SLC38A9: variants seen among roughly 807,000 people sequenced by gnomAD.
SLC38A9 encodes neutral amino acid transporter 9.
In SLC38A9, 48 loss-of-function variants were observed where a neutral mutation model predicts 62.3. The ratio of observed to expected loss-of-function variants is 0.77; its 90% CI spans 0.61 to 0.98. The LOEUF is 0.98. Among genes scored for constraint, SLC38A9 ranks in the 50% least tolerant of loss-of-function variants. SLC38A9 has a pLI of 0.00. For missense variants in SLC38A9, 541 were observed against 679.8 expected (o/e 0.80, Z 2.27); for synonymous variants, 204 against 227.7 (o/e 0.90, Z 0.94).
chr5:55,672,387 A>G, intron 4 of SLC38A9, among the ~76,000 whole-genome samples, 176 bp downstream of exon 4: 1 of 152,228 alleles, frequency 6.6e-6, no homozygotes, highest in East Asian at 1.9e-4. Flanking sequence ...AATTTAGATA[A>G]GAATGAACTG....
intron 12 of SLC38A9, among the ~76,000 whole-genome samples, chr5:55,641,004 T>G (rs1283716644): frequency 6.6e-6 from 1 of 151,598 alleles, no homozygotes; most frequent in Non-Finnish European, 1.5e-5. Context: ...GCCCAGCTAA[T>G]TTTTTTTGTA....
chr5:55,693,897 C>CA (rs1318729284), intron 3 of SLC38A9, among the ~76,000 whole-genome samples: 6 of 151,904 alleles, frequency 3.9e-5, no homozygotes, highest in Non-Finnish European at 8.8e-5. Flanking sequence ...GCAATCTCTG[C>CA]AAAAAATAAA....
chr5:55,709,337 T>C (rs1284108080), intron 2 of SLC38A9, among the ~76,000 whole-genome samples: 1 of 151,850 alleles, frequency 6.6e-6, no homozygotes, highest in Non-Finnish European at 1.5e-5. Flanking sequence ...AATTTAAGTA[T>C]GTTACAAAAT....
chr5:55,681,916 C>T (rs2408201), intron 3 of SLC38A9, among the ~76,000 whole-genome samples: 90,735 of 151,552 alleles, frequency 0.6, 27,706 homozygotes, highest in South Asian at 0.7. Context: ...TATGGCTACT[C>T]CCACTCCACA....
chr5:55,671,864 G>A (rs1160395716), intron 4 of SLC38A9, among the ~76,000 whole-genome samples: 1 of 151,968 alleles, frequency 6.6e-6, no homozygotes, highest in Non-Finnish European at 1.5e-5. Context: ...AAAGAGATGG[G>A]TCACACTCTT....
chr5:55,699,503 A>C (rs535935698), intron 2 of SLC38A9, among the ~76,000 whole-genome samples: 13 of 152,338 alleles, frequency 8.5e-5, no homozygotes, highest in African/African-American at 2.9e-4. Context: ...TAAAGACAAC[A>C]AACAGTGAGT....
chr5:55,695,662 T>G (rs1334990403), intron 3 of SLC38A9, among the ~76,000 whole-genome samples: 1 of 89,510 alleles, frequency 1.1e-5, no homozygotes, highest in East Asian at 2.6e-4. Context: ...CTCCCATGTC[T>G]ACTTCTTTCT....
At chr5:55,675,603 A>G (rs2150380516) in intron 3 of SLC38A9, among the ~76,000 whole-genome samples, 1 of 152,274 alleles carries the variant, frequency 6.6e-6, no homozygotes, top group Middle Eastern at 3.4e-3. Flanking sequence ...CTCCCTATCA[A>G]TGTTACTTCT....
chr5:55,683,696 T>C (rs1753365805), intron 3 of SLC38A9, among the ~76,000 whole-genome samples: 1 of 152,226 alleles, frequency 6.6e-6, no homozygotes, highest in African/African-American at 2.4e-5. Context: ...ATTATCTTTG[T>C]GACATTCACC....
chr5:55,671,708 T>C (rs6888862), intron 4 of SLC38A9, among the ~76,000 whole-genome samples: 90,650 of 151,586 alleles, frequency 0.6, 27,684 homozygotes, highest in South Asian at 0.7. Context: ...ATGAGCCAGG[T>C]GTGGTGGCGC....
In SLC38A9 at chr5:55,708,998, A is replaced by G. The variant is rs138386578; in HGVS notation, c.-35+2454T>C. 2.6e-5 allele frequency among the ~76,000 whole-genome samples: 4 copies of G among 152,344 alleles called. No individual in the cohort carries two copies. The East Asian group carries it at 7.7e-4, about 29-fold the overall frequency. On this transcript the variant is annotated intron_variant, in intron 2 of 15. Transcript: ENST00000396865. ...GTGGAAGCAGTTATGCTATGTATAT[A>G]TATTTTCTTCTGTATTAGTCTGTAA...
At chr5:55,640,899 T>C (rs149983052) in intron 12 of SLC38A9, among the ~76,000 whole-genome samples, 7,419 of 151,800 alleles carry the variant, frequency 0.049, 310 homozygotes, top group African/African-American at 0.11. Flanking sequence ...TGCAACAGTG[T>C]GATCTCGGCT....
At chr5:55,691,392 GC>G in intron 3 of SLC38A9, 3 of 1,344,724 alleles carry the variant, frequency 2.2e-6, no homozygotes, top group Non-Finnish European at 2.9e-6. Flanking sequence ...GTGAATTCCT[GC>G]CCTGGGTAAT....
chr5:55,648,898 A>G (rs904552367), intron 11 of SLC38A9, among the ~76,000 whole-genome samples: 2 of 152,142 alleles, frequency 1.3e-5, no homozygotes, highest in African/African-American at 4.8e-5. Flanking sequence ...TTAATTAAAA[A>G]CCACAAAACC....
chr5:55,660,900 A>G, intron 8 of SLC38A9, among the ~76,000 whole-genome samples: 1 of 152,156 alleles, frequency 6.6e-6, no homozygotes, highest in Non-Finnish European at 1.5e-5. Context: ...AAATGACGGA[A>G]TGTTGATAAC....
chr5:55,668,821 A>G (rs551057678), intron 7 of SLC38A9, among the ~76,000 whole-genome samples: 1 of 152,218 alleles, frequency 6.6e-6, no homozygotes, highest in African/African-American at 2.4e-5. Context: ...ACATTTTCAT[A>G]TTTTTCTAGT....
chr5:55,676,438 A>G (rs1354578714), intron 3 of SLC38A9, among the ~76,000 whole-genome samples: 6 of 152,150 alleles, frequency 3.9e-5, no homozygotes, highest in Non-Finnish European at 7.3e-5. Context: ...TTGGCCTCCC[A>G]AAGTGTTGGG....
intron 3 of SLC38A9, chr5:55,697,050 G>C (rs6864873): frequency 0.58 from 86,720 of 149,976 alleles, 26,199 homozygotes; most frequent in South Asian, 0.64. Flanking sequence ...GGATGGCGGC[G>C]GGGCAGAGAC....
chr5:55,666,136 A>C (rs1297386001), intron 7 of SLC38A9, among the ~76,000 whole-genome samples: 1 of 152,212 alleles, frequency 6.6e-6, no homozygotes, highest in Non-Finnish European at 1.5e-5. Flanking sequence ...TGTACTAAAA[A>C]ATAGGTGATA....
Sources: gnomAD v4.1 joint callset for allele counts (sites outside exome capture counted in the v4.1 genomes callset) on GRCh38, gnomAD v4.1.1 for gene constraint, MANE v1.5 for transcripts, NCBI Gene and HGNC (gene_info 2026-07-23, HGNC 2026-07-21) for gene names.